VPS13A: variants seen among roughly 807,000 people sequenced by gnomAD.
VPS13A encodes vacuolar protein sorting 13 homolog A.
VPS13A carries 264 observed loss-of-function variants against 390.9 expected under a neutral mutation model. The ratio of observed to expected loss-of-function variants is 0.68; its 90% confidence interval spans 0.61 to 0.75. VPS13A has a LOEUF of 0.75. Among genes scored for constraint, VPS13A ranks in the 30% least tolerant of loss-of-function variants. VPS13A has a pLI of 0.00. For missense variants in VPS13A, 3,409 were observed against 3,733.9 expected (o/e 0.91, Z 2.27); for synonymous variants, 1,231 against 1,227.1 (o/e 1.00, Z -0.07).
chr9:77,195,822 T>C (rs552992960), intron 1 of VPS13A, among the ~76,000 whole-genome samples: 31 of 152,324 alleles, frequency 2.0e-4, no homozygotes, highest in Non-Finnish European at 4.4e-4. Flanking sequence ...CTCTGATCTT[T>C]ATTATTTTCT....
At chr9:77,369,731 A>C (rs2131586026) in intron 63 of VPS13A, among the ~76,000 whole-genome samples, 1 of 152,320 alleles carries the variant, frequency 6.6e-6, no homozygotes, top group South Asian at 2.1e-4. Context: ...AATCATGCAA[A>C]CTGACACCTG....
At chr9:77,300,278 A>G (rs1340320351) in intron 33 of VPS13A, among the ~76,000 whole-genome samples, 3 of 152,160 alleles carry the variant, frequency 2.0e-5, no homozygotes, top group Admixed American at 6.6e-5. Flanking sequence ...AAATAACACT[A>G]TATTGATGAT....
chr9:77,292,994 CAAG>C (rs1391546197), intron 31 of VPS13A, among the ~76,000 whole-genome samples: 2 of 151,670 alleles, frequency 1.3e-5, no homozygotes, highest in African/African-American at 4.8e-5. Context: ...GTCAGTCAAT[CAAG>C]AAATACATGG....
intron 67 of VPS13A, among the ~76,000 whole-genome samples, chr9:77,381,739 A>G (rs1240244775): frequency 6.6e-6 from 1 of 152,178 alleles, no homozygotes; most frequent in African/African-American, 2.4e-5. Context: ...AGAAAAAGCA[A>G]CAATTGCTAA....
At chr9:77,299,249 T>A (rs1828195578) in intron 33 of VPS13A, among the ~76,000 whole-genome samples, 1 of 152,204 alleles carries the variant, frequency 6.6e-6, no homozygotes, top group Admixed American at 6.5e-5. Context: ...CGGGCTCTTT[T>A]TTGGTTCCAT....
rs1316926749 is a variant in VPS13A at position 77,417,355 on chromosome 9, T to A, written c.*1349T>A. On this transcript the variant is annotated 3_prime_UTR_variant, in exon 72 of 72. Transcript: ENST00000360280. ...GTTGTAAAAGCTAAAATAAACAGCA[T>A]GCTATATTGTAATTGTATTTCTTGC... The A allele has an allele frequency of 1.3e-5, 2 of 152,208 alleles. No individual in the cohort carries two copies. The highest frequency in any genetic ancestry group is 2.4e-5 in the African/African-American group (1 of 41,452). 9.4% of individuals were successfully genotyped at this position (152,208 alleles called of 1,614,324 possible).
intron 68 of VPS13A, among the ~76,000 whole-genome samples, chr9:77,393,136 A>G (rs111945624): frequency 0.02 from 3,034 of 152,324 alleles, 58 homozygotes; most frequent in Admixed American, 0.058. Context: ...CATTTAAACA[A>G]TCATAGAATC....
At chr9:77,185,729 T>G (rs1824290718) in intron 1 of VPS13A, among the ~76,000 whole-genome samples, 1 of 150,080 alleles carries the variant, frequency 6.7e-6, no homozygotes, top group Admixed American at 6.6e-5. Flanking sequence ...ATTTAATTTT[T>G]TTCTCCTGTC....
In VPS13A at chr9:77,382,208, T is replaced by C. The variant is rs62571465; in HGVS notation, c.9189+121T>C. 0.047 allele frequency: 64,420 copies of C among 1,363,514 alleles called. 1,779 individuals carry two copies. Among genetic ancestry groups the C allele is most frequent in the Non-Finnish European group, 0.052 (53,211 of 1,023,762 alleles). 84.5% of individuals were successfully genotyped at this position (1,363,514 alleles called of 1,614,324 possible). On this transcript the variant is annotated intron_variant, in intron 68 of 71. Transcript: ENST00000360280. ...TATCTATTTTGCTTAATTCCACTTA[T>C]AAGTTTCTTATATTTACTTAGATTT...
Position 77,294,156 on chromosome 9 carries a change from AGT to A in VPS13A, c.3507+650_3507+651del, listed in dbSNP as rs200338263. ...GTCTGGTCTTGAACTCCTGGCCTCA[AGT>A]GATCCTCCTGCTTTGGCCTCCCAAA... On this transcript the variant is annotated intron_variant, in intron 32 of 71. Coordinates refer to ENST00000360280, the MANE Select transcript of VPS13A (RefSeq NM_033305.3). Among the ~76,000 whole-genome samples, 808 of 152,202 alleles carry A rather than the reference AGT, an allele frequency of 5.3e-3. 3 individuals carry two copies. The highest frequency in any genetic ancestry group is 0.01 in the South Asian group (49 of 4,820).
At position 77,321,654 on chromosome 9, in the gene VPS13A, A is replaced by G. The variant is rs779701387; in HGVS notation, c.5738A>G (p.Glu1913Gly). 47 of 1,613,202 alleles carry G rather than the reference A, an allele frequency of 2.9e-5. No individual in the cohort carries two copies. The South Asian group carries it at 5.1e-4, about 17-fold the overall frequency. The change falls in exon 44 of 72, where the codon GAA becomes GGA. Residue 1913 changes from glutamate to glycine, a missense_variant. By Grantham distance (98) the Glu-to-Gly change is moderately conservative. Coordinates refer to ENST00000360280, the MANE Select transcript of VPS13A (RefSeq NM_033305.3). Reference sequence around the variant, plus strand: ...AAATCATATGTATTGAAAAATGGAGAAAGTTTAAGTATGGATTATATCCGA... The same window carrying G: ...AAATCATATGTATTGAAAAATGGAGGAAGTTTAAGTATGGATTATATCCGA... Reference protein sequence around the residue: ...MAKSYVLKNGESLSMDYIRTK... With the variant: ...MAKSYVLKNGGSLSMDYIRTK...
In VPS13A at chr9:77,321,220, A is replaced by G. The variant is rs1829725363; in HGVS notation, c.5467A>G (p.Asn1823Asp). The change falls in exon 43 of 72, where the codon AAC becomes GAC. Residue 1823 changes from asparagine to aspartate, a missense_variant. This residue lies in a region of VPS13A where 2,717 missense variants were observed against 2,917.4 expected (regional missense o/e 0.93). Coordinates refer to ENST00000360280, the MANE Select transcript of VPS13A (RefSeq NM_033305.3). Reference protein sequence around the residue: ...AIVESDPEEENYKVPEYKTVI... With the variant: ...AIVESDPEEEDYKVPEYKTVI... ...TGTTGAGTCAGATCCTGAAGAAGAA[A>G]ACTACAAAGTGCCAGAATATAAAAC... The G allele has an allele frequency of 2.5e-6, 4 of 1,612,788 alleles. No homozygotes were observed. The highest frequency in any genetic ancestry group is 3.4e-6 in the Non-Finnish European group (4 of 1,179,254).
intron 10 of VPS13A, among the ~76,000 whole-genome samples, chr9:77,217,441 T>A (rs1443881552): frequency 6.6e-6 from 1 of 152,206 alleles, no homozygotes; most frequent in Non-Finnish European, 1.5e-5. Context: ...TTAAGTAATT[T>A]CTTATCATCC....
At position 77,341,665 on chromosome 9, in the gene VPS13A, G is replaced by GAGTAA. The variant is rs561028870; in HGVS notation, c.7026+1116_7026+1120dup. On this transcript the variant is annotated intron_variant, in intron 50 of 71. Transcript: ENST00000360280. ...TTTCCAACTCTCTTTGCTTCATTCT[G>GAGTAA]AGTAAGTTCTACATGGACATCTTTC... 2.0e-3 allele frequency among the ~76,000 whole-genome samples: 210 copies of GAGTAA among 105,202 alleles called. 1 individual carries two copies. Among genetic ancestry groups the GAGTAA allele is most frequent in the African/African-American group, 7.1e-3 (198 of 27,952 alleles). 69.0% of individuals were successfully genotyped at this position (105,202 alleles called of 152,430 possible).
At position 77,382,018 on chromosome 9, in the gene VPS13A, G is replaced by A. The variant is rs1207314019; in HGVS notation, c.9120G>A (p.Arg3040=). The change falls in exon 68 of 72, where the codon CGG becomes CGA. Residue 3040 remains arginine (R), a synonymous_variant. Coordinates refer to ENST00000360280, the MANE Select transcript of VPS13A (RefSeq NM_033305.3). The part of the protein sequence containing the change: ...TSEVESLRPP[R]FFNEDGVIRP... ...AAGTGGAGAGTCTGCGACCTCCTCGGTTCTTCAATGAAGATGGAGTTATCA... is the reference window on the plus strand; with the variant it reads ...AAGTGGAGAGTCTGCGACCTCCTCGATTCTTCAATGAAGATGGAGTTATCA... 1.9e-6 allele frequency: 3 copies of A among 1,608,144 alleles called. No individual in the cohort carries two copies. Among genetic ancestry groups the A allele is most frequent in the Non-Finnish European group, 1.7e-6 (2 of 1,176,968 alleles).
At position 77,419,886 on chromosome 9, in the gene VPS13A, G is replaced by T. The variant is rs1835295072; in HGVS notation, c.*3880G>T. The T allele has an allele frequency of 1.3e-5, 2 of 152,136 alleles. No individual in the cohort carries two copies. Among genetic ancestry groups the T allele is most frequent in the African/African-American group, 4.8e-5 (2 of 41,416 alleles). 9.4% of individuals were successfully genotyped at this position (152,136 alleles called of 1,614,324 possible). On this transcript the variant is annotated 3_prime_UTR_variant, in exon 72 of 72. Coordinates refer to ENST00000360280, the MANE Select transcript of VPS13A (RefSeq NM_033305.3). The stretch of plus-strand genomic sequence containing the variant: ...GAGCTAATACGTAGGGCACATTCTG[G>T]TAGGGCCAAAATATTCAGTGTCTGG...
chr9:77,237,838 A>G (rs1480214520), intron 17 of VPS13A, among the ~76,000 whole-genome samples, 164 bp from the exon 18 acceptor site: 1 of 152,194 alleles, frequency 6.6e-6, no homozygotes, highest in Non-Finnish European at 1.5e-5. Context: ...GAATTAATCT[A>G]TGTCAATTTA....
chr9:77,298,853 G>A (rs115058421), intron 33 of VPS13A, among the ~76,000 whole-genome samples: 1 of 152,044 alleles, frequency 6.6e-6, no homozygotes, highest in Non-Finnish European at 1.5e-5. Context: ...GTTTTAAAAG[G>A]GGAAACCCCT....
chr9:77,188,206 A>G (rs1242335375), intron 1 of VPS13A, among the ~76,000 whole-genome samples: 1 of 152,172 alleles, frequency 6.6e-6, no homozygotes, highest in Non-Finnish European at 1.5e-5. Flanking sequence ...CTGGGCAGAT[A>G]GATGCTGGTG....
Sources: allele counts gnomAD v4.1 joint callset (sites outside exome capture counted in the v4.1 genomes callset), GRCh38; gene constraint gnomAD v4.1.1; regional missense constraint gnomAD v4.1.1; transcripts MANE v1.5; gene names NCBI Gene and HGNC (gene_info 2026-07-23, HGNC 2026-07-21).